YTHDF3: variants seen among roughly 807,000 people sequenced by gnomAD.
The protein encoded by YTHDF3 is YTH N6-methyladenosine RNA binding protein F3.
In YTHDF3, 9 loss-of-function variants were observed where a neutral mutation model predicts 52.5. The ratio of observed to expected loss-of-function variants is 0.17; its 90% CI spans 0.10 to 0.30. The LOEUF is 0.30. Ranked by LOEUF, YTHDF3 falls within the 10% of genes least tolerant of loss-of-function variation. The pLI, the probability that YTHDF3 is intolerant of heterozygous loss-of-function variation, is 1.00. For missense variants in YTHDF3, 534 were observed against 715.0 expected (o/e 0.75, Z 2.89); for synonymous variants, 274 against 243.3 (o/e 1.13, Z -1.18).
intron 4 of YTHDF3, among the ~76,000 whole-genome samples, chr8:63,200,882 C>T (rs988380654): frequency 6.6e-6 from 1 of 151,996 alleles, no homozygotes; most frequent in African/African-American, 2.4e-5. Flanking sequence ...CATTCAGAGC[C>T]TAGGGTATTG....
At chr8:63,181,008 C>T (rs1017962902) in intron 3 of YTHDF3, among the ~76,000 whole-genome samples, 2 of 152,120 alleles carry the variant, frequency 1.3e-5, no homozygotes, top group Non-Finnish European at 2.9e-5. Flanking sequence ...AAAATTAGTT[C>T]TTTATAGTTC....
intron 1 of YTHDF3, 110 bp downstream of exon 1, chr8:63,169,011 G>T (rs1301943115): frequency 7.4e-6 from 11 of 1,477,302 alleles, no homozygotes; most frequent in South Asian, 4.0e-5. Flanking sequence ...CCATAACGGT[G>T]CCCCGGGCGC....
chr8:63,182,955 C>CTTTTTTTT (rs11381385), intron 3 of YTHDF3, among the ~76,000 whole-genome samples: 1 of 143,622 alleles, frequency 7.0e-6, no homozygotes. Context: ...ACAGTTTTAT[C>CTTTTTTTT]TTTTTTTTTT....
intron 4 of YTHDF3, among the ~76,000 whole-genome samples, chr8:63,202,029 A>G (rs1809674372): frequency 6.6e-6 from 1 of 152,208 alleles, no homozygotes; most frequent in Non-Finnish European, 1.5e-5. Context: ...CTCATTCAAC[A>G]GATAAATAAT....
chr8:63,168,754 C>A lies in YTHDF3; in HGVS notation c.-124C>A. ...CGAGGCCCTCATTTTGGGTTCTCAGCGAACGGCGGCAGCGGCGGCGGCTGG... is the reference window on the plus strand; with the variant it reads ...CGAGGCCCTCATTTTGGGTTCTCAGAGAACGGCGGCAGCGGCGGCGGCTGG... On this transcript the variant is annotated 5_prime_UTR_variant, in exon 1 of 5. Transcript: ENST00000539294. 6.5e-7 allele frequency: 1 copy of A among 1,540,614 alleles called. No individual in the cohort carries two copies. Among genetic ancestry groups the A allele is most frequent in the Non-Finnish European group, 8.8e-7 (1 of 1,141,234 alleles).
chr8:63,188,697 ATATATTTTTTT>A (rs1808703620), intron 4 of YTHDF3: 2 of 63,548 alleles, frequency 3.1e-5, no homozygotes. Context: ...ATATATATAT[ATATATTTTTTT>A]TTTTTTTTTT....
chr8:63,201,297 G>T (rs1809626968), intron 4 of YTHDF3, among the ~76,000 whole-genome samples: 2 of 152,192 alleles, frequency 1.3e-5, no homozygotes, highest in African/African-American at 4.8e-5. Flanking sequence ...GGTGAGGCGG[G>T]AGGATTGCTT....
At chr8:63,189,175 T>C (rs1183407854) in intron 4 of YTHDF3, 2 of 152,176 alleles carry the variant, frequency 1.3e-5, no homozygotes, top group African/African-American at 4.8e-5. Flanking sequence ...TGTTTATCCT[T>C]GTATTATATT....
At chr8:63,205,760 C>G (rs181860104) in intron 4 of YTHDF3, among the ~76,000 whole-genome samples, 1 of 152,120 alleles carries the variant, frequency 6.6e-6, no homozygotes, top group Non-Finnish European at 1.5e-5. Context: ...TCTCACACTT[C>G]TAGTGGTCTG....
chr8:63,183,206 C>T (rs940798057), intron 3 of YTHDF3, among the ~76,000 whole-genome samples: 7 of 152,118 alleles, frequency 4.6e-5, no homozygotes, highest in Non-Finnish European at 7.4e-5. Context: ...GGTGATATGC[C>T]TGCCTTGGCC....
At chr8:63,173,706 A>G (rs1312516086) in intron 2 of YTHDF3, 1 of 985,026 alleles carries the variant, frequency 1.0e-6, no homozygotes, top group East Asian at 1.1e-4. Flanking sequence ...CTTGGACTGA[A>G]ATGAATAACC....
intron 4 of YTHDF3, among the ~76,000 whole-genome samples, chr8:63,189,786 C>A (rs1431751285): frequency 6.6e-6 from 1 of 152,156 alleles, no homozygotes; most frequent in Non-Finnish European, 1.5e-5. Flanking sequence ...TATAAACATT[C>A]CAGGTGATTC....
At chr8:63,190,610 T>A (rs1808853343) in intron 4 of YTHDF3, among the ~76,000 whole-genome samples, 1 of 152,224 alleles carries the variant, frequency 6.6e-6, no homozygotes, top group Non-Finnish European at 1.5e-5. Flanking sequence ...GACCGCAGCC[T>A]ACTCTTGTGC....
intron 4 of YTHDF3, among the ~76,000 whole-genome samples, chr8:63,199,646 G>C (rs536962149): frequency 7.2e-5 from 11 of 152,182 alleles, no homozygotes; most frequent in Non-Finnish European, 1.5e-4. Context: ...TTTAAGGTAT[G>C]TGTGTCCAAG....
At chr8:63,196,611 C>G (rs1052530967) in intron 4 of YTHDF3, among the ~76,000 whole-genome samples, 2 of 151,536 alleles carry the variant, frequency 1.3e-5, no homozygotes, top group Non-Finnish European at 2.9e-5. Context: ...TCTTTAAAAG[C>G]TTCCTGAGTA....
intron 4 of YTHDF3, among the ~76,000 whole-genome samples, chr8:63,196,969 G>A (rs1490606214): frequency 6.6e-6 from 1 of 152,192 alleles, no homozygotes; most frequent in Non-Finnish European, 1.5e-5. Context: ...TGCATTTTAT[G>A]TCACACAGGT....
intron 4 of YTHDF3, among the ~76,000 whole-genome samples, chr8:63,197,594 G>A (rs1055697779): frequency 3.9e-5 from 6 of 152,108 alleles, no homozygotes; most frequent in East Asian, 1.9e-4. Flanking sequence ...TAAAAATAGC[G>A]TGGCTTGTAG....
chr8:63,203,699 G>A (rs899378856), intron 4 of YTHDF3, among the ~76,000 whole-genome samples: 5 of 152,048 alleles, frequency 3.3e-5, no homozygotes, highest in Admixed American at 6.5e-5. Context: ...GGACACTAAC[G>A]TTGCATTTAG....
intron 4 of YTHDF3, among the ~76,000 whole-genome samples, chr8:63,192,081 G>A (rs1808948531): frequency 6.6e-6 from 1 of 152,258 alleles, no homozygotes; most frequent in South Asian, 2.1e-4. Flanking sequence ...CACCCTATCA[G>A]TTAGGATACA....
Sources: gnomAD v4.1 joint callset for allele counts (sites outside exome capture counted in the v4.1 genomes callset) on GRCh38, gnomAD v4.1.1 for gene constraint, MANE v1.5 for transcripts, NCBI Gene and HGNC (gene_info 2026-07-23, HGNC 2026-07-21) for gene names.